Variants in CFAP263 observed in about 807,000 individuals in gnomAD.
CFAP263 encodes the protein cilia and flagella associated protein 263.
At chr16:58,253,889 G>A in the CFAP263 span, 1 of 1,163,566 alleles carries the variant, frequency 8.6e-7, no homozygotes, top group Non-Finnish European at 1.3e-6. Context: ...CTCCCTGGCT[G>A]TCACTCTGGG....
chr16:58,274,588 A>G, the CFAP263 span, among the ~76,000 whole-genome samples: 1 of 152,178 alleles, frequency 6.6e-6, no homozygotes, highest in Non-Finnish European at 1.5e-5. Context: ...ATGGTTTTTA[A>G]AGTGGCAGTT....
At chr16:58,268,867 G>A in the CFAP263 span, among the ~76,000 whole-genome samples, 1 of 151,902 alleles carries the variant, frequency 6.6e-6, no homozygotes, top group African/African-American at 2.4e-5. Context: ...TAGTTTTCTT[G>A]TTAACGTTTT....
chr16:58,262,893 AT>A, the CFAP263 span, among the ~76,000 whole-genome samples: 1 of 152,152 alleles, frequency 6.6e-6, no homozygotes, highest in Non-Finnish European at 1.5e-5. Flanking sequence ...GCTGTTACTA[AT>A]TCCCCAAGTG....
chr16:58,252,989 T>C, the CFAP263 span: 1 of 840,046 alleles, frequency 1.2e-6, no homozygotes, highest in African/African-American at 1.7e-5. Context: ...TTTTGATTTT[T>C]CTTTGCCCTC....
chr16:58,253,242 G>A, the CFAP263 span, among the ~76,000 whole-genome samples: 2 of 152,110 alleles, frequency 1.3e-5, no homozygotes, highest in African/African-American at 2.4e-5. Flanking sequence ...TTAGCCAGAT[G>A]TGGTGATATG....
At chr16:58,273,322 T>C in the CFAP263 span, among the ~76,000 whole-genome samples, 1 of 152,220 alleles carries the variant, frequency 6.6e-6, no homozygotes, top group African/African-American at 2.4e-5. Context: ...ACCTGTATGT[T>C]GGTACACTTA....
the CFAP263 span, chr16:58,280,282 T>G: frequency 6.2e-7 from 1 of 1,614,098 alleles, no homozygotes; most frequent in Non-Finnish European, 8.5e-7. Flanking sequence ...TTCTTCGGGC[T>G]GATACAACCT....
chr16:58,250,187 G>T, the CFAP263 span: 2 of 881,672 alleles, frequency 2.3e-6, no homozygotes, highest in South Asian at 1.6e-5. Context: ...CTCGGACTTG[G>T]GGACCAGCAT....
chr16:58,268,087 C>T, the CFAP263 span, among the ~76,000 whole-genome samples: 10 of 151,260 alleles, frequency 6.6e-5, no homozygotes, highest in Non-Finnish European at 1.0e-4. Flanking sequence ...GACATCTCGC[C>T]GATACCCAGG....
At chr16:58,257,238 C>G in the CFAP263 span, among the ~76,000 whole-genome samples, 1 of 111,184 alleles carries the variant, frequency 9.0e-6, no homozygotes, top group South Asian at 4.4e-4. Flanking sequence ...GGGATGGTCT[C>G]GATCTCCTGA....
chr16:58,262,381 G>GT, the CFAP263 span: 6 of 1,600,900 alleles, frequency 3.7e-6, no homozygotes, highest in Non-Finnish European at 4.3e-6. Context: ...TTTCTGAGCT[G>GT]TAGAAGGAAG....
the CFAP263 span, chr16:58,279,803 C>A: frequency 6.5e-7 from 1 of 1,539,822 alleles, no homozygotes; most frequent in Non-Finnish European, 9.0e-7. Context: ...GGCTTACAGA[C>A]CACTACATGA....
the CFAP263 span, among the ~76,000 whole-genome samples, chr16:58,264,049 T>C: frequency 6.6e-6 from 1 of 152,262 alleles, no homozygotes; most frequent in African/African-American, 2.4e-5. Flanking sequence ...CCCACTCTAC[T>C]GCCTTTTCCA....
At chr16:58,267,639 A>C in the CFAP263 span, 1 of 1,135,668 alleles carries the variant, frequency 8.8e-7, no homozygotes, top group Non-Finnish European at 1.3e-6. Flanking sequence ...TGTGTTTATA[A>C]GGGCTTGAGT....
the CFAP263 span, chr16:58,280,351 A>G: frequency 6.2e-7 from 1 of 1,614,050 alleles, no homozygotes; most frequent in South Asian, 1.1e-5. Context: ...GTCATAGTAT[A>G]AGGGTTGTAC....
the CFAP263 span, chr16:58,280,125 A>G: frequency 8.1e-7 from 1 of 1,232,882 alleles, no homozygotes; most frequent in Non-Finnish European, 1.1e-6. Flanking sequence ...TGGCAGCCCC[A>G]GTGTGCAACT....
chr16:58,271,607 G>T, the CFAP263 span, among the ~76,000 whole-genome samples: 1 of 152,152 alleles, frequency 6.6e-6, no homozygotes, highest in African/African-American at 2.4e-5. Flanking sequence ...TGACAGTTTT[G>T]AGGAGTACCT....
chr16:58,274,993 A>G, the CFAP263 span, among the ~76,000 whole-genome samples: 1 of 152,012 alleles, frequency 6.6e-6, no homozygotes, highest in Non-Finnish European at 1.5e-5. Context: ...CATTATACTT[A>G]TCTTAGGTAT....
At chr16:58,277,360 C>T in the CFAP263 span, among the ~76,000 whole-genome samples, 1 of 152,130 alleles carries the variant, frequency 6.6e-6, no homozygotes, top group Admixed American at 6.5e-5. Context: ...AACTCCTGAC[C>T]TCAAGTGATC....
Sources: gnomAD v4.1 joint callset for allele counts (sites outside exome capture counted in the v4.1 genomes callset) on GRCh38, gnomAD v4.1.1 for gene constraint, MANE v1.5 for transcripts, NCBI Gene and HGNC (gene_info 2026-07-23, HGNC 2026-07-21) for gene names.